The following SLC5A12 variants were observed in gnomAD, a reference collection of about 807,000 sequenced individuals.
SLC5A12 encodes the protein sodium-coupled monocarboxylate transporter 2.
SLC5A12 carries 46 observed loss-of-function variants against 72.7 expected under a neutral mutation model. The observed-to-expected ratio is 0.63, with a 90% confidence interval of 0.50 to 0.81. The LOEUF is 0.81. Ranked by LOEUF, SLC5A12 falls within the 30% of genes least tolerant of loss-of-function variation. The pLI, the probability that SLC5A12 is intolerant of heterozygous loss-of-function variation, is 0.00. For synonymous variants in SLC5A12, 275 were observed against 264.4 expected, an observed-to-expected ratio of 1.04 and a Z score of -0.39; for missense variants, 683 against 740.7, an observed-to-expected ratio of 0.92 and a Z score of 0.90.
rs149530887 is a variant in SLC5A12 at position 26,721,697 on chromosome 11, A to G, written c.18T>C (p.Phe6=). The change falls in exon 1 of 15, where the codon TTT becomes TTC. Residue 6 remains phenylalanine (F), a synonymous_variant. Transcript: ENST00000396005. ...CAAATACAACATAATCCCAAACTGC[A>G]AAGTTCTTCACCTCCATATTGGAAA... MEVKN[F]AVWDYVVFAA... is the part of the protein sequence containing the mutation. 3.7e-6 allele frequency: 6 copies of G among 1,613,432 alleles called. No homozygotes were observed. The African/African-American group carries it at 5.3e-5, about 14-fold the overall frequency.
chr11:26,694,294 A>G (rs565531258), intron 8 of SLC5A12, among the ~76,000 whole-genome samples: 1 of 151,610 alleles, frequency 6.6e-6, no homozygotes, highest in South Asian at 2.1e-4. Context: ...CCTATACCAT[A>G]TGTTGTCCAG....
chr11:26,721,468 C>A lies in SLC5A12; in HGVS notation c.247G>T (p.Val83Phe). The A allele has an allele frequency of 2.5e-6, 4 of 1,614,094 alleles. No homozygotes were observed. The highest frequency in any genetic ancestry group is 3.4e-6 in the Non-Finnish European group (4 of 1,180,026). The change falls in exon 1 of 15, where the codon GTC becomes TTC. Residue 83 changes from valine (V) to phenylalanine (F), a missense_variant. By Grantham distance (50) the Val-to-Phe change is conservative. Transcript: ENST00000396005. ...ACAAATAGGTAAGCAATGAAGAAGA[C>A]TAGGAAGGATGCCCCAAAGCGGTAG... ...EVYRFGASFLVFFIAYLFVIL... is the reference protein window; with the variant it reads ...EVYRFGASFLFFFIAYLFVIL...
chr11:26,707,962 T>C (rs1161966801), intron 4 of SLC5A12, among the ~76,000 whole-genome samples: 2 of 151,870 alleles, frequency 1.3e-5, no homozygotes, highest in African/African-American at 4.8e-5. Flanking sequence ...GATTCTAGCT[T>C]AATGTTATAG....
Position 26,721,822 on chromosome 11 carries a change from T to A in SLC5A12, c.-108A>T. ...GATGCTTTGCTGAGAGGAGAGACTG[T>A]GATTCCCTGAAGAAAATGATTACCA... On this transcript the variant is annotated 5_prime_UTR_variant, in exon 1 of 15. Transcript: ENST00000396005. The A allele has an allele frequency of 1.1e-6, 1 of 935,904 alleles. No homozygotes were observed. The highest frequency in any genetic ancestry group is 2.8e-4 in the Middle Eastern group (1 of 3,516). 58.0% of individuals were successfully genotyped at this position (935,904 alleles called of 1,614,324 possible).
chr11:26,673,285 A>C, intron 14 of SLC5A12, 117 bp downstream of exon 14: 3 of 1,167,814 alleles, frequency 2.6e-6, no homozygotes, highest in Non-Finnish European at 3.4e-6. Flanking sequence ...AATTCCTTCA[A>C]GTTCTCACAC....
intron 13 of SLC5A12, among the ~76,000 whole-genome samples, chr11:26,677,216 G>A (rs1854286703): frequency 5.3e-5 from 8 of 152,122 alleles, no homozygotes. Context: ...TTCGCTTTTG[G>A]CCTGAAGGGC....
Position 26,703,570 on chromosome 11 carries a change from T to C in SLC5A12, c.782A>G (p.Gln261Arg), listed in dbSNP as rs1265307938. The change falls in exon 6 of 15, where the codon CAG becomes CGG. Residue 261 changes from glutamine (Q) to arginine (R), a missense_variant. Coordinates refer to ENST00000396005, the MANE Select transcript of SLC5A12 (RefSeq NM_178498.4). The stretch of plus-strand genomic sequence containing the variant: ...TTCTGTTTTGCAAGAGATGCATCGC[T>C]GAATAGTTGATTGATTGACCCCATA... ...GIYGVNQSTIQRCISCKTEKH... is the reference protein window; with the variant it reads ...GIYGVNQSTIRRCISCKTEKH... The C allele has an allele frequency of 6.2e-7, 1 of 1,613,874 alleles. No individual in the cohort carries two copies. Among genetic ancestry groups the C allele is most frequent in the African/African-American group, 1.3e-5 (1 of 74,912 alleles).
chr11:26,690,398 C>T (rs1854639133), intron 9 of SLC5A12, among the ~76,000 whole-genome samples: 1 of 151,574 alleles, frequency 6.6e-6, no homozygotes, highest in East Asian at 1.9e-4. Context: ...AATAAGTATA[C>T]AACATGAAAC....
At chr11:26,673,253 A>G (rs2133129502) in intron 14 of SLC5A12, 149 bp downstream of exon 14, 1 of 876,944 alleles carries the variant, frequency 1.1e-6, no homozygotes, top group Non-Finnish European at 1.6e-6. Context: ...ATTAGCTGAG[A>G]TAACTCTGAA....
In SLC5A12 at chr11:26,708,566, T is replaced by C. The variant is rs185794450; in HGVS notation, c.525+746A>G. 1.6e-3 allele frequency among the ~76,000 whole-genome samples: 237 copies of C among 152,186 alleles called. 7 individuals are homozygous for C. The East Asian group carries it at 0.03, about 19-fold the overall frequency. On this transcript the variant is annotated intron_variant, in intron 4 of 14. Coordinates refer to ENST00000396005, the MANE Select transcript of SLC5A12 (RefSeq NM_178498.4). ...TGAAAATATATTAATTTTTTATTTTTATCTATAGTGAAGGAAAGATAATTC... is the reference window on the plus strand; with the variant it reads ...TGAAAATATATTAATTTTTTATTTTCATCTATAGTGAAGGAAAGATAATTC...
At chr11:26,698,299 A>G in intron 7 of SLC5A12, 107 bp downstream of exon 7, 1 of 1,406,838 alleles carries the variant, frequency 7.1e-7, no homozygotes, top group Non-Finnish European at 9.6e-7. Flanking sequence ...GGGTTTGAGA[A>G]ATAGTGAGCA....
At chr11:26,684,163 G>C (rs1396603514) in intron 10 of SLC5A12, among the ~76,000 whole-genome samples, 1 of 152,022 alleles carries the variant, frequency 6.6e-6, no homozygotes, top group Admixed American at 6.6e-5. Flanking sequence ...ATAGAACCAA[G>C]GGGACTTCAA....
chr11:26,690,249 T>A (rs1481998360), intron 9 of SLC5A12, among the ~76,000 whole-genome samples: 3 of 151,932 alleles, frequency 2.0e-5, no homozygotes, highest in South Asian at 4.1e-4. Context: ...ATAGCCAAAA[T>A]TTTTTTGTAA....
chr11:26,669,187 TTTTCTTTCTTTC>T lies in SLC5A12; in HGVS notation c.*1903_*1914del, dbSNP rs762879641. 4 of 110,942 alleles carry T rather than the reference TTTTCTTTCTTTC, an allele frequency of 3.6e-5. No individual in the cohort carries two copies. Among genetic ancestry groups the T allele is most frequent in the Admixed American group, 1.9e-4 (2 of 10,744 alleles). 6.9% of individuals were successfully genotyped at this position (110,942 alleles called of 1,614,324 possible). ...TGTCTTTTTCTTTCTTTCTTTCTTCTTTTCTTTCTTTCTTTCTTTCTTTCTTTCTTTCTCTCT... is the reference window on the plus strand; with the variant it reads ...TGTCTTTTTCTTTCTTTCTTTCTTCTTTTCTTTCTTTCTTTCTTTCTCTCT... On this transcript the variant is annotated 3_prime_UTR_variant, in exon 15 of 15. Transcript: ENST00000396005.
chr11:26,698,765 A>T (rs578018894), intron 6 of SLC5A12, among the ~76,000 whole-genome samples: 21 of 152,240 alleles, frequency 1.4e-4, no homozygotes, highest in African/African-American at 5.1e-4. Flanking sequence ...TTTTAAGTGA[A>T]TTTTCCTTTG....
intron 1 of SLC5A12, among the ~76,000 whole-genome samples, chr11:26,716,112 G>C (rs1012754659): frequency 2.6e-5 from 4 of 152,112 alleles, no homozygotes; most frequent in African/African-American, 7.2e-5. Context: ...AGGAAGTCTG[G>C]AAAACATAAG....
intron 6 of SLC5A12, among the ~76,000 whole-genome samples, chr11:26,701,520 T>C (rs778774842): frequency 2.6e-5 from 4 of 152,218 alleles, no homozygotes; most frequent in Non-Finnish European, 4.4e-5. Flanking sequence ...CAGGCAACTA[T>C]AGGAATGGGA....
rs779979178 is a variant in SLC5A12 at position 26,683,737 on chromosome 11, G to A, written c.1308+20C>T. On this transcript the variant is annotated intron_variant, in intron 11 of 14. Coordinates refer to ENST00000396005, the MANE Select transcript of SLC5A12 (RefSeq NM_178498.4). ...CCCAGTTTTGACTGGGAATTGTGAAGAGGGCTGTGGGATCCTTACCTTCCA... is the reference window on the plus strand; with the variant it reads ...CCCAGTTTTGACTGGGAATTGTGAAAAGGGCTGTGGGATCCTTACCTTCCA... The A allele has an allele frequency of 5.8e-6, 9 of 1,561,966 alleles. No homozygotes were observed. Among genetic ancestry groups the A allele is most frequent in the Non-Finnish European group, 7.8e-6 (9 of 1,150,110 alleles).
Position 26,721,720 on chromosome 11 carries a change from A to G in SLC5A12, c.-6T>C. ...GCAAAGTTCTTCACCTCCATATTGG[A>G]AAGTATGACACCAGAGAGTTTCTTT... On this transcript the variant is annotated 5_prime_UTR_variant, in exon 1 of 15. Transcript: ENST00000396005. 1 of 1,610,174 alleles carries G rather than the reference A, an allele frequency of 6.2e-7. No homozygotes were observed. Among genetic ancestry groups the G allele is most frequent in the Non-Finnish European group, 8.5e-7 (1 of 1,178,094 alleles).
Sources: allele counts gnomAD v4.1 joint callset (sites outside exome capture counted in the v4.1 genomes callset), GRCh38; gene constraint gnomAD v4.1.1; transcripts MANE v1.5; gene names NCBI Gene and HGNC (gene_info 2026-07-23, HGNC 2026-07-21).